The following CCDC190 variants were observed in gnomAD, a reference collection of about 807,000 sequenced individuals.
CCDC190 encodes the protein coiled-coil domain-containing protein 190.
In CCDC190, 10 loss-of-function variants were observed where a neutral mutation model predicts 13.1. The ratio of observed to expected loss-of-function variants is 0.77; its 90% CI spans 0.47 to 1.30. The LOEUF is 1.30. Among genes scored for constraint, CCDC190 ranks in the 50% most tolerant of loss-of-function variants. The pLI, the probability that CCDC190 is intolerant of heterozygous loss-of-function variation, is 0.00. For missense variants in CCDC190, 375 were observed against 354.3 expected, an observed-to-expected ratio of 1.06 and a Z score of -0.47; for synonymous variants, 136 against 127.2, an observed-to-expected ratio of 1.07 and a Z score of -0.47.
At chr1:162,857,708 C>T (rs571041895) in intron 2 of CCDC190, among the ~76,000 whole-genome samples, 2 of 152,188 alleles carry the variant, frequency 1.3e-5, no homozygotes, top group African/African-American at 2.4e-5. Flanking sequence ...TTGATAGACA[C>T]AGGAACCTTT....
upstream of CCDC190, among the ~76,000 whole-genome samples, chr1:162,864,479 C>T (rs922797088): frequency 3.3e-5 from 5 of 152,090 alleles, no homozygotes; most frequent in Non-Finnish European, 5.9e-5. Context: ...AGTATAAAGA[C>T]TATTTTTCTT....
rs78345668 is a variant in CCDC190, at chr1:162,855,260, C to T, written c.411G>A (p.Lys137=). 1 of 1,613,394 alleles carries T rather than the reference C, an allele frequency of 6.2e-7. No individual in the cohort carries two copies. Among genetic ancestry groups the T allele is most frequent in the Non-Finnish European group, 8.5e-7 (1 of 1,179,812 alleles). Reference sequence around the variant, plus strand: ...TTCTGTTATTTTGAGAGAGTGGCTGCTTTTTGCTCTTCATGGGGTCTTTGA... The same window carrying T: ...TTCTGTTATTTTGAGAGAGTGGCTGTTTTTTGCTCTTCATGGGGTCTTTGA... ...AGLKDPMKSK[K]QPLSQNNRTA... Residue 137 remains lysine, a synonymous_variant, in exon 4 of 4, where the codon AAG becomes AAA. Transcript: ENST00000367912.
chr1:162,854,726 C>A lies in CCDC190; in HGVS notation c.*39G>T. The A allele has an allele frequency of 6.5e-7, 1 of 1,548,400 alleles. No homozygotes were observed. Among genetic ancestry groups the A allele is most frequent in the Non-Finnish European group, 8.7e-7 (1 of 1,147,360 alleles). On this transcript the variant is annotated 3_prime_UTR_variant, in exon 4 of 4. Transcript: ENST00000367912. ...TCATTTGAGGAACACATTTCCTTAG[C>A]AATAATGGCATATGTTATTGTCAGG...
chr1:162,857,357 A>C (rs1334293371), intron 2 of CCDC190, among the ~76,000 whole-genome samples: 1 of 152,172 alleles, frequency 6.6e-6, no homozygotes, highest in African/African-American at 2.4e-5. Context: ...TGTAATTTTC[A>C]CCAGTCTCAA....
Position 162,853,237 on chromosome 1 carries a change from G to T in CCDC190, c.*1528C>A, listed in dbSNP as rs1271070781. On this transcript the variant is annotated 3_prime_UTR_variant, in exon 4 of 4. Transcript: ENST00000367912. ...GGTGGTAGTGTGGTGTAATGAAAGA[G>T]CATGAGCAAGGAAATTGAGTAGAAG... 8 of 1,183,834 alleles carry T rather than the reference G, an allele frequency of 6.8e-6. No homozygotes were observed. The highest frequency in any genetic ancestry group is 8.2e-6 in the Non-Finnish European group (7 of 857,474). 73.3% of individuals were successfully genotyped at this position (1,183,834 alleles called of 1,614,324 possible). A position where few individuals can be genotyped will look rare whatever the true frequency, so the allele number is the denominator to read the frequency against.
rs760487564 is a variant in CCDC190 at position 162,851,360 on chromosome 1, T to C, written c.*3405A>G. On this transcript the variant is annotated 3_prime_UTR_variant, in exon 4 of 4. Transcript: ENST00000367912. ...CTGGCTGTCATTGGTGAGATAGAGC[T>C]GCTGACATCTGTTTGGACTGGTACC... is the stretch of plus-strand genomic sequence containing the variant. 5 of 149,042 alleles carry C rather than the reference T, an allele frequency of 3.4e-5. No individual in the cohort carries two copies. Among genetic ancestry groups the C allele is most frequent in the Non-Finnish European group, 5.9e-5 (4 of 67,650 alleles). 9.2% of individuals were successfully genotyped at this position (149,042 alleles called of 1,614,324 possible).
At position 162,852,279 on chromosome 1, in the gene CCDC190, A is replaced by G. The variant is rs1229327781; in HGVS notation, c.*2486T>C. ...GGACAGTGCTGGATGTTTTCTGGGG[A>G]CAGGGGGCACATTTGCTCCTAGCTG... is the stretch of plus-strand genomic sequence containing the variant. On this transcript the variant is annotated 3_prime_UTR_variant, in exon 4 of 4. Transcript: ENST00000367912. 6.6e-6 allele frequency: 1 copy of G among 152,264 alleles called. No homozygotes were observed. Among genetic ancestry groups the G allele is most frequent in the Non-Finnish European group, 1.5e-5 (1 of 68,088 alleles). The allele number at this position is 152,264 out of a possible 1,614,324, so 9.4% of individuals were successfully genotyped here. A position where few individuals can be genotyped will look rare whatever the true frequency, so the allele number is the denominator to read the frequency against.
upstream of CCDC190, among the ~76,000 whole-genome samples, chr1:162,863,996 C>G (rs1650613224): frequency 8.0e-6 from 1 of 124,296 alleles, no homozygotes; most frequent in Non-Finnish European, 1.7e-5. Context: ...TCCTGGGTGA[C>G]AGAATGAGAC....
intron 1 of CCDC190, among the ~76,000 whole-genome samples, chr1:162,867,260 A>G (rs10917621): frequency 0.63 from 96,065 of 151,962 alleles, 32,784 homozygotes; most frequent in Non-Finnish European, 0.77. Flanking sequence ...TTAAGGACAC[A>G]AATAACTCTA....
intron 1 of CCDC190, among the ~76,000 whole-genome samples, chr1:162,867,226 CTAAA>C (rs1333832124): frequency 6.6e-6 from 1 of 152,132 alleles, no homozygotes; most frequent in East Asian, 1.9e-4. Context: ...CTATCTATAT[CTAAA>C]TAACACCAAC....
upstream of CCDC190, among the ~76,000 whole-genome samples, chr1:162,864,773 A>T (rs1650642260): frequency 6.6e-6 from 1 of 152,140 alleles, no homozygotes; most frequent in Non-Finnish European, 1.5e-5. Flanking sequence ...CAAGTAAGAT[A>T]AAATTGAATT....
rs758686975 is a variant in CCDC190 at position 162,851,972 on chromosome 1, C to T, written c.*2793G>A. On this transcript the variant is annotated 3_prime_UTR_variant, in exon 4 of 4. Transcript: ENST00000367912. ...TACCCTGGTCTTTGTTCCTCATCCA[C>T]ATTCTGGTATGGAGAAAGCTATTTT... 3 of 152,180 alleles carry T rather than the reference C, an allele frequency of 2.0e-5. No homozygotes were observed. Among genetic ancestry groups the T allele is most frequent in the Admixed American group, 6.5e-5 (1 of 15,280 alleles). 9.4% of individuals were successfully genotyped at this position (152,180 alleles called of 1,614,324 possible). A position where few individuals can be genotyped will look rare whatever the true frequency, so the allele number is the denominator to read the frequency against.
At position 162,851,883 on chromosome 1, in the gene CCDC190, G is replaced by C. The variant is rs1257759141; in HGVS notation, c.*2882C>G. 6.6e-6 allele frequency: 1 copy of C among 152,224 alleles called. No homozygotes were observed. The highest frequency in any genetic ancestry group is 1.5e-5 in the Non-Finnish European group (1 of 68,042). The allele number at this position is 152,224 out of a possible 1,614,324, so 9.4% of individuals were successfully genotyped here. ...GAAAGCATTTCTTAACTGAAAACGA[G>C]GGCAGGAGCCATCGGACACATGCCC... On this transcript the variant is annotated 3_prime_UTR_variant, in exon 4 of 4. Coordinates refer to ENST00000367912, the MANE Select transcript of CCDC190 (RefSeq NM_001394065.1).
At chr1:162,866,725 T>C (rs1650719957) in intron 1 of CCDC190, among the ~76,000 whole-genome samples, 1 of 151,856 alleles carries the variant, frequency 6.6e-6, no homozygotes, top group Non-Finnish European at 1.5e-5. Context: ...TAAGATTGTG[T>C]AGTGTTGGTA....
At chr1:162,866,429 TCAAAAAA>T (rs1012956183) in intron 1 of CCDC190, among the ~76,000 whole-genome samples, 16 of 151,736 alleles carry the variant, frequency 1.1e-4, no homozygotes, top group Non-Finnish European at 2.1e-4. Context: ...AGACTCCATC[TCAAAAAA>T]CAAAAAACAA....
intron 2 of CCDC190, among the ~76,000 whole-genome samples, chr1:162,856,203 ATAAT>A: frequency 6.6e-6 from 1 of 152,326 alleles, no homozygotes; most frequent in South Asian, 2.1e-4. Flanking sequence ...AAGAAGAAAA[ATAAT>A]TCTGCAAACT....
In CCDC190 at chr1:162,851,801, A is replaced by G; in HGVS notation, c.*2964T>C. On this transcript the variant is annotated 3_prime_UTR_variant, in exon 4 of 4. Transcript: ENST00000367912. ...TTTCCTCAAAATTGAAGTATAAATT[A>G]TCCCTTCTAACCATGTGTTACTAAT... 6.6e-6 allele frequency: 1 copy of G among 152,354 alleles called. No homozygotes were observed. Among genetic ancestry groups the G allele is most frequent in the Non-Finnish European group, 1.5e-5 (1 of 68,036 alleles). The allele number at this position is 152,354 out of a possible 1,614,324, so 9.4% of individuals were successfully genotyped here.
In CCDC190 at chr1:162,852,433, A is replaced by G. The variant is rs1650140563; in HGVS notation, c.*2332T>C. 1 of 152,314 alleles carries G rather than the reference A, an allele frequency of 6.6e-6. No homozygotes were observed. The highest frequency in any genetic ancestry group is 2.4e-5 in the African/African-American group (1 of 41,480). The allele number at this position is 152,314 out of a possible 1,614,324, so 9.4% of individuals were successfully genotyped here. On this transcript the variant is annotated 3_prime_UTR_variant, in exon 4 of 4. Coordinates refer to ENST00000367912, the MANE Select transcript of CCDC190 (RefSeq NM_001394065.1). ...TAATGAGTTACACAAGAAAGGTTCC[A>G]TGCAGCAGCGTTCTCTTTGATTGAG...
At position 162,855,074 on chromosome 1, in the gene CCDC190, A is replaced by G. The variant is rs545000326; in HGVS notation, c.597T>C (p.Asp199=). 37 of 1,614,000 alleles carry G rather than the reference A, an allele frequency of 2.3e-5. No homozygotes were observed. The Admixed American group carries it at 2.7e-4, about 12-fold the overall frequency. ...TCTCATCAGCACATGCCATTCCACTATCACTAGCTGGGCTGGAACTAGGAC... is the reference window on the plus strand; with the variant it reads ...TCTCATCAGCACATGCCATTCCACTGTCACTAGCTGGGCTGGAACTAGGAC... ...EQGPSSSPAS[D]SGMACADETR... The change falls in exon 4 of 4, where the codon GAT becomes GAC. Residue 199 remains aspartate (D), a synonymous_variant. Coordinates refer to ENST00000367912, the MANE Select transcript of CCDC190 (RefSeq NM_001394065.1).
Sources: allele counts gnomAD v4.1 joint callset (sites outside exome capture counted in the v4.1 genomes callset), GRCh38; gene constraint gnomAD v4.1.1; transcripts MANE v1.5; gene names NCBI Gene and HGNC (gene_info 2026-07-23, HGNC 2026-07-21).